Variants in VDAC1 observed in about 807,000 individuals in gnomAD.
VDAC1 encodes non-selective voltage-gated ion channel VDAC1.
Under a neutral mutation model 34.7 loss-of-function variants are expected in VDAC1, and 10 were observed. The ratio of observed to expected loss-of-function variants is 0.29; its 90% CI spans 0.18 to 0.49. The LOEUF (loss-of-function observed/expected upper bound fraction) is 0.49, where lower values mean the gene tolerates loss of function less well. Among genes scored for constraint, VDAC1 ranks in the 20% least tolerant of loss-of-function variants. VDAC1 has a pLI of 0.99. For missense variants in VDAC1, 230 were observed against 347.9 expected (o/e 0.66, Z 2.69); for synonymous variants, 130 against 136.0 (o/e 0.96, Z 0.30).
the VDAC1 span, among the ~76,000 whole-genome samples, chr5:134,068,966 C>CTGTG: frequency 0.054 from 7,371 of 136,562 alleles, 221 homozygotes; most frequent in African/African-American, 0.062. Flanking sequence ...TGGGAGGTGA[C>CTGTG]TGTGTGTGTG....
chr5:133,998,418 C>A (rs1170565460), intron 1 of VDAC1, among the ~76,000 whole-genome samples: 1 of 152,180 alleles, frequency 6.6e-6, no homozygotes, highest in African/African-American at 2.4e-5. Flanking sequence ...TGCCTGTAAT[C>A]CCAGCTACTT....
chr5:134,060,895 T>TTTTTTTTTA, the VDAC1 span, among the ~76,000 whole-genome samples: 1 of 144,816 alleles, frequency 6.9e-6, no homozygotes, highest in African/African-American at 2.6e-5. Flanking sequence ...TTTTTTTTTT[T>TTTTTTTTTA]GAGACAGGGT....
the VDAC1 span, among the ~76,000 whole-genome samples, chr5:134,111,650 T>C: frequency 6.6e-6 from 1 of 152,064 alleles, no homozygotes; most frequent in African/African-American, 2.4e-5. Context: ...TCCCTAATCC[T>C]GTTGATGGCC....
At chr5:134,019,738 C>T in the VDAC1 span, among the ~76,000 whole-genome samples, 9 of 152,208 alleles carry the variant, frequency 5.9e-5, no homozygotes. Flanking sequence ...CACATACGCA[C>T]ATGCACCTGA....
At chr5:134,045,971 C>T in the VDAC1 span, among the ~76,000 whole-genome samples, 54 of 150,622 alleles carry the variant, frequency 3.6e-4, no homozygotes, top group Non-Finnish European at 6.9e-4. Flanking sequence ...AGGCATGAGC[C>T]ACTGACCCCG....
At chr5:134,086,440 C>A in the VDAC1 span, among the ~76,000 whole-genome samples, 1 of 152,152 alleles carries the variant, frequency 6.6e-6, no homozygotes, top group Non-Finnish European at 1.5e-5. Flanking sequence ...GAGGCCTCCC[C>A]AAGGGTGCTC....
chr5:134,036,632 G>A, the VDAC1 span, among the ~76,000 whole-genome samples: 3 of 150,898 alleles, frequency 2.0e-5, no homozygotes, highest in South Asian at 6.3e-4. Context: ...CTCCAGCCTG[G>A]GTGACAGAGC....
At chr5:134,036,580 C>G in the VDAC1 span, among the ~76,000 whole-genome samples, 17 of 151,878 alleles carry the variant, frequency 1.1e-4, no homozygotes, top group Non-Finnish European at 1.0e-4. Context: ...CCCTTGAGCC[C>G]AGGAGTATAA....
At chr5:134,047,681 G>T in the VDAC1 span, among the ~76,000 whole-genome samples, 1 of 152,218 alleles carries the variant, frequency 6.6e-6, no homozygotes, top group Non-Finnish European at 1.5e-5. Flanking sequence ...GGTGTTTCTT[G>T]TTCTGTTTTT....
the VDAC1 span, among the ~76,000 whole-genome samples, chr5:134,074,296 C>T: frequency 2.8e-5 from 4 of 144,260 alleles, no homozygotes; most frequent in African/African-American, 1.0e-4. Flanking sequence ...CAGAGCCAGA[C>T]TCCATCTCAA....
chr5:134,083,190 C>CTTTTTTTTTTT, the VDAC1 span, among the ~76,000 whole-genome samples: 1 of 125,532 alleles, frequency 8.0e-6, no homozygotes, highest in African/African-American at 3.1e-5. Context: ...CTTTTTTTTT[C>CTTTTTTTTTTT]TTTTTTTTTT....
intron 1 of VDAC1, among the ~76,000 whole-genome samples, chr5:133,997,526 C>T (rs149336285): frequency 2.5e-4 from 37 of 147,500 alleles, no homozygotes; most frequent in African/African-American, 8.8e-4. Flanking sequence ...GGCAAAACCC[C>T]GTCTCTACTA....
At chr5:133,975,821 A>C in intron 7 of VDAC1, 50 bp downstream of exon 7, 1 of 1,603,292 alleles carries the variant, frequency 6.2e-7, no homozygotes, top group Non-Finnish European at 8.5e-7. Flanking sequence ...ATTCCAACAT[A>C]AAGAGCAGAT....
chr5:134,035,851 C>T, the VDAC1 span, among the ~76,000 whole-genome samples: 1 of 151,790 alleles, frequency 6.6e-6, no homozygotes, highest in Non-Finnish European at 1.5e-5. Context: ...CTAAAAACTA[C>T]AAAAATTAGC....
the VDAC1 span, among the ~76,000 whole-genome samples, chr5:134,065,742 T>A: frequency 6.6e-6 from 1 of 151,846 alleles, no homozygotes; most frequent in Non-Finnish European, 1.5e-5. Context: ...TATGAATTAG[T>A]TCAGGGGTCA....
At chr5:134,064,479 A>AT in the VDAC1 span, among the ~76,000 whole-genome samples, 1 of 151,176 alleles carries the variant, frequency 6.6e-6, no homozygotes, top group East Asian at 2.0e-4. Context: ...TAATTTTTGT[A>AT]TTTTAGTAGA....
At chr5:133,975,464 CTTTT>C (rs879616685) in intron 7 of VDAC1, among the ~76,000 whole-genome samples, 1 of 139,770 alleles carries the variant, frequency 7.2e-6, no homozygotes, top group South Asian at 2.3e-4. Context: ...GAGACGGAGT[CTTTT>C]TTTTTTTTTT....
chr5:134,033,153 A>G, the VDAC1 span, among the ~76,000 whole-genome samples: 1 of 136,842 alleles, frequency 7.3e-6, no homozygotes, highest in African/African-American at 2.9e-5. Flanking sequence ...AGTAGAAACT[A>G]ATTTTTTTTT....
chr5:134,042,521 G>A, the VDAC1 span, among the ~76,000 whole-genome samples: 1 of 151,806 alleles, frequency 6.6e-6, no homozygotes, highest in Admixed American at 6.6e-5. Context: ...ACAGAGTCTT[G>A]CTCTGTCTCT....
Sources: allele counts gnomAD v4.1 joint callset (sites outside exome capture counted in the v4.1 genomes callset), GRCh38; gene constraint gnomAD v4.1.1; transcripts MANE v1.5; gene names NCBI Gene and HGNC (gene_info 2026-07-23, HGNC 2026-07-21).